Variants in DARS2 observed in about 807,000 individuals in gnomAD.
The protein encoded by DARS2 is aspartyl-tRNA synthetase 2, mitochondrial, also known as aspartate--tRNA ligase, mitochondrial.
DARS2 carries 63 observed loss-of-function variants against 83.0 expected under a neutral mutation model. That is an observed-to-expected ratio of 0.76 (90% CI 0.62 to 0.94). DARS2 has a LOEUF of 0.94. Among genes scored for constraint, DARS2 ranks in the 40% least tolerant of loss-of-function variants. The pLI is 0.00. For synonymous variants in DARS2, 250 were observed against 269.3 expected, an observed-to-expected ratio of 0.93 and a Z score of 0.70; for missense variants, 675 against 774.4, an observed-to-expected ratio of 0.87 and a Z score of 1.52.
rs1304745729 is a variant in DARS2 at position 173,842,317 on chromosome 1, T to TTTTTTTTTTTTTTTTTTTTTTTTTTTG, written c.1128+1344_1128+1345insTTTTTTTTTTTTTTTTTTTTTTTTTTG. Among the ~76,000 whole-genome samples, 7 of 116,628 alleles carry TTTTTTTTTTTTTTTTTTTTTTTTTTTG rather than the reference T, an allele frequency of 6.0e-5. 1 individual carries two copies. The highest frequency in any genetic ancestry group is 3.0e-4 in the African/African-American group (7 of 23,540). The allele number at this position is 116,628 out of a possible 152,430, so 76.5% of individuals were successfully genotyped here. Reference sequence around the variant, plus strand: ...TTTTTTTTTTTTTTTTTTTTTTTTTTAGAGTGAGTCTTGCTCTGTCGCCCA... The same window carrying TTTTTTTTTTTTTTTTTTTTTTTTTTTG: ...TTTTTTTTTTTTTTTTTTTTTTTTTTTTTTTTTTTTTTTTTTTTTTTTTTTTGAGAGTGAGTCTTGCTCTGTCGCCCA... On this transcript the variant is annotated intron_variant, in intron 11 of 16. Transcript: ENST00000649689.
At chr1:173,843,849 T>G (rs908174774) in intron 11 of DARS2, among the ~76,000 whole-genome samples, 1 of 152,172 alleles carries the variant, frequency 6.6e-6, no homozygotes, top group Non-Finnish European at 1.5e-5. Context: ...AGAGATTAGC[T>G]CCAAGACTAA....
At chr1:173,827,349 G>A (rs1652620130) in intron 2 of DARS2, among the ~76,000 whole-genome samples, 1 of 152,130 alleles carries the variant, frequency 6.6e-6, no homozygotes, top group Non-Finnish European at 1.5e-5. Context: ...TAAAGAATAT[G>A]TCCCAGCCTG....
intron 3 of DARS2, among the ~76,000 whole-genome samples, chr1:173,829,030 C>T (rs931402917): frequency 9.9e-5 from 15 of 151,334 alleles, no homozygotes; most frequent in African/African-American, 3.4e-4. Context: ...TCTACTCAGC[C>T]GTACAAAAAA....
At chr1:173,829,628 G>T (rs965626448) in intron 3 of DARS2, among the ~76,000 whole-genome samples, 1 of 151,916 alleles carries the variant, frequency 6.6e-6, no homozygotes, top group Admixed American at 6.6e-5. Flanking sequence ...CAAAAAATTG[G>T]CCAGGTGCGG....
In DARS2 at chr1:173,858,265, TC is replaced by T. The variant is rs2102666954; in HGVS notation, c.*561del. On this transcript the variant is annotated 3_prime_UTR_variant, in exon 17 of 17. Coordinates refer to ENST00000649689, the MANE Select transcript of DARS2 (RefSeq NM_018122.5). ...GAGTCACAAATTTTTCTTCAGTGTT[TC>T]AGCCTGAGTAAGTTACATAAACCTC... 1 of 160,126 alleles carries T rather than the reference TC, an allele frequency of 6.2e-6. No homozygotes were observed. Among genetic ancestry groups the T allele is most frequent in the Admixed American group, 6.0e-5 (1 of 16,782 alleles). 9.9% of individuals were successfully genotyped at this position (160,126 alleles called of 1,614,324 possible).
intron 3 of DARS2, among the ~76,000 whole-genome samples, chr1:173,830,333 C>G (rs1652747948): frequency 6.6e-6 from 1 of 152,192 alleles, no homozygotes; most frequent in South Asian, 2.1e-4. Context: ...TGGGATTTAA[C>G]TGCCCCTAAG....
At chr1:173,831,470 C>T (rs1652793545) in intron 4 of DARS2, 65 bp from the exon 5 acceptor site, 1 of 1,152,908 alleles carries the variant, frequency 8.7e-7, no homozygotes, top group Non-Finnish European at 1.3e-6. Context: ...ATAGATTCTA[C>T]AAATGTGTAT....
intron 4 of DARS2, 47 bp from the exon 5 acceptor site, chr1:173,831,488 A>G (rs1652793727): frequency 2.3e-6 from 3 of 1,297,340 alleles, no homozygotes; most frequent in South Asian, 1.2e-5. Context: ...TATTTTGTGT[A>G]TATCCTGATG....
At position 173,856,637 on chromosome 1, in the gene DARS2, T is replaced by C. The variant is rs771617960; in HGVS notation, c.1675-29T>C. 77 of 1,606,348 alleles carry C rather than the reference T, an allele frequency of 4.8e-5. 1 individual carries two copies. Among genetic ancestry groups the C allele is most frequent in the Non-Finnish European group, 6.1e-5 (71 of 1,173,172 alleles). On this transcript the variant is annotated intron_variant, in intron 15 of 16. Coordinates refer to ENST00000649689, the MANE Select transcript of DARS2 (RefSeq NM_018122.5). ...GCACTTAGTGGACCTTCAAAATATA[T>C]TTAAACTGAATTATCTTTTGAATTT...
chr1:173,848,745 TTG>T (rs995155223), intron 12 of DARS2, among the ~76,000 whole-genome samples: 1 of 152,200 alleles, frequency 6.6e-6, no homozygotes, highest in African/African-American at 2.4e-5. Flanking sequence ...CAGAGTTTGT[TTG>T]CCTTTTGATC....
chr1:173,857,688 G>C lies in DARS2; in HGVS notation c.1921G>C (p.Ala641Pro). The change falls in exon 17 of 17, where the codon GCA (alanine) becomes CCA (proline). Residue 641 changes from alanine (A) to proline (P), a missense_variant. By Grantham distance (27) the Ala-to-Pro change is conservative. Transcript: ENST00000649689. The part of the protein sequence containing the change: ...IRVSKPTDSK[A>P]ERAH ...AGTCTCCAAGCCAACAGACTCCAAAGCAGAAAGAGCTCATTGAATCATGCA... is the reference window on the plus strand; with the variant it reads ...AGTCTCCAAGCCAACAGACTCCAAACCAGAAAGAGCTCATTGAATCATGCA... The C allele has an allele frequency of 6.2e-7, 1 of 1,614,120 alleles. No individual in the cohort carries two copies. The highest frequency in any genetic ancestry group is 1.1e-5 in the South Asian group (1 of 91,084).
intron 12 of DARS2, among the ~76,000 whole-genome samples, 158 bp from the exon 13 acceptor site, chr1:173,850,169 T>A (rs918367974): frequency 2.4e-4 from 36 of 151,882 alleles, no homozygotes; most frequent in Non-Finnish European, 4.4e-4. Flanking sequence ...TAAAATTCCC[T>A]TAGTATCATT....
intron 10 of DARS2, among the ~76,000 whole-genome samples, chr1:173,840,345 T>C (rs1653159022): frequency 6.6e-6 from 1 of 152,186 alleles, no homozygotes; most frequent in Non-Finnish European, 1.5e-5. Context: ...TTCAAGCGAT[T>C]CTCCTGCCTC....
At chr1:173,830,639 C>G (rs758953861) in intron 3 of DARS2, 21 bp from the exon 4 acceptor site, 1 of 1,587,864 alleles carries the variant, frequency 6.3e-7, no homozygotes, top group South Asian at 1.1e-5. Context: ...TCTCAGAACT[C>G]TTTTCCCCCT....
chr1:173,841,221 C>T (rs10912695), intron 11 of DARS2, among the ~76,000 whole-genome samples: 17 of 151,856 alleles, frequency 1.1e-4, no homozygotes, highest in African/African-American at 4.1e-4. Context: ...CTAAAAAATA[C>T]AAAAAATTAG....
At chr1:173,857,001 A>G (rs1653880336) in intron 16 of DARS2, among the ~76,000 whole-genome samples, 1 of 152,224 alleles carries the variant, frequency 6.6e-6, no homozygotes, top group Non-Finnish European at 1.5e-5. Flanking sequence ...TCAAATCCCC[A>G]TGGCCTCACA....
intron 15 of DARS2, 31 bp from the exon 16 acceptor site, chr1:173,856,635 T>C (rs756948587): frequency 2.2e-5 from 35 of 1,606,512 alleles, no homozygotes; most frequent in Non-Finnish European, 2.6e-5. Flanking sequence ...CTTCAAAATA[T>C]ATTTAAACTG....
chr1:173,849,942 C>T lies in DARS2; in HGVS notation c.1192-385C>T, dbSNP rs531793519. On this transcript the variant is annotated intron_variant, in intron 12 of 16. Transcript: ENST00000649689. The stretch of plus-strand genomic sequence containing the variant: ...GCCCAGTCTCAGCTCACTGCATCCT[C>T]TACCTTCCAGGCTCAAATGATTCTC... Among the ~76,000 whole-genome samples the T allele has an allele frequency of 2.0e-5, 3 of 146,966 alleles. No individual in the cohort carries two copies. In the East Asian group the frequency reaches 6.3e-4, roughly 31 times the overall value.
At chr1:173,834,275 G>A (rs1652898001) in intron 6 of DARS2, among the ~76,000 whole-genome samples, 198 bp from the exon 7 acceptor site, 1 of 152,154 alleles carries the variant, frequency 6.6e-6, no homozygotes, top group South Asian at 2.1e-4. Context: ...TATGCTTTAT[G>A]AACAGAATAG....
Sources: gnomAD v4.1 joint callset for allele counts (sites outside exome capture counted in the v4.1 genomes callset) on GRCh38, gnomAD v4.1.1 for gene constraint, MANE v1.5 for transcripts, NCBI Gene and HGNC (gene_info 2026-07-23, HGNC 2026-07-21) for gene names.